Variants in TTBK2 observed in about 807,000 individuals in gnomAD.
TTBK2 encodes tau-tubulin kinase 2.
In TTBK2, 28 loss-of-function variants were observed where a neutral mutation model predicts 110.8. The ratio of observed to expected loss-of-function variants is 0.25; its 90% CI spans 0.19 to 0.35. The LOEUF (loss-of-function observed/expected upper bound fraction) is 0.35, where lower values mean the gene tolerates loss of function less well. Ranked by LOEUF, TTBK2 falls within the 10% of genes least tolerant of loss-of-function variation. TTBK2 has a pLI of 1.00. For synonymous variants in TTBK2, 532 were observed against 527.3 expected, an observed-to-expected ratio of 1.01 and a Z score of -0.12; for missense variants, 1,369 against 1,500.3, an observed-to-expected ratio of 0.91 and a Z score of 1.45.
chr15:42,764,699 A>C (rs1276934932), intron 13 of TTBK2, among the ~76,000 whole-genome samples: 1 of 152,266 alleles, frequency 6.6e-6, no homozygotes, highest in African/African-American at 2.4e-5. Flanking sequence ...AACAAAAGGC[A>C]GCAGAAACTT....
At chr15:42,916,821 T>C (rs1183248540) in intron 1 of TTBK2, among the ~76,000 whole-genome samples, 3 of 152,092 alleles carry the variant, frequency 2.0e-5, no homozygotes, top group Non-Finnish European at 2.9e-5. Context: ...TGCAACTCCA[T>C]TTTTTTAAAG....
intron 4 of TTBK2, among the ~76,000 whole-genome samples, chr15:42,830,590 T>A (rs1401960922): frequency 6.6e-6 from 1 of 152,128 alleles, no homozygotes; most frequent in Non-Finnish European, 1.5e-5. Flanking sequence ...TTTTAGCATA[T>A]CATGTTTCTG....
chr15:42,880,570 A>T (rs1057207443), intron 1 of TTBK2, among the ~76,000 whole-genome samples: 3 of 152,010 alleles, frequency 2.0e-5, no homozygotes, highest in African/African-American at 7.3e-5. Flanking sequence ...TTGTTTGTTT[A>T]TTTTTAATAG....
At chr15:42,836,236 A>G (rs1343685800) in intron 4 of TTBK2, among the ~76,000 whole-genome samples, 1 of 152,198 alleles carries the variant, frequency 6.6e-6, no homozygotes, top group Non-Finnish European at 1.5e-5. Context: ...TCTACAACAG[A>G]GATAAGGTTG....
At chr15:42,853,728 G>A (rs866762297) in intron 3 of TTBK2, among the ~76,000 whole-genome samples, 1 of 151,892 alleles carries the variant, frequency 6.6e-6, no homozygotes, top group African/African-American at 2.4e-5. Flanking sequence ...ACTATGGAGC[G>A]AACACACATA....
intron 1 of TTBK2, among the ~76,000 whole-genome samples, chr15:42,896,116 G>A (rs1373916093): frequency 6.6e-6 from 1 of 151,768 alleles, no homozygotes; most frequent in Non-Finnish European, 1.5e-5. Flanking sequence ...ATAACCTGAG[G>A]TGAGGAGTTC....
At chr15:42,895,692 C>G (rs913192217) in intron 1 of TTBK2, among the ~76,000 whole-genome samples, 7 of 152,010 alleles carry the variant, frequency 4.6e-5, no homozygotes, top group Non-Finnish European at 1.0e-4. Context: ...CGCCTGCCAC[C>G]ACGCCCAGCT....
intron 4 of TTBK2, among the ~76,000 whole-genome samples, chr15:42,833,119 T>C (rs1387651635): frequency 6.6e-6 from 1 of 151,742 alleles, no homozygotes; most frequent in Non-Finnish European, 1.5e-5. Context: ...ACCTGGGTGA[T>C]GTAATATTAC....
chr15:42,817,008 T>C (rs758417122), intron 7 of TTBK2, 24 bp downstream of exon 7: 33 of 1,575,674 alleles, frequency 2.1e-5, no homozygotes, highest in Middle Eastern at 3.4e-4. Context: ...CTTATACAGA[T>C]ATGACTCTAG....
chr15:42,848,191 C>T (rs542146151), intron 3 of TTBK2, among the ~76,000 whole-genome samples: 7 of 152,204 alleles, frequency 4.6e-5, no homozygotes, highest in Non-Finnish European at 1.0e-4. Flanking sequence ...AAAATCTATT[C>T]TCTATGTGAT....
intron 8 of TTBK2, 91 bp from the exon 9 acceptor site, chr15:42,810,830 T>C: frequency 6.9e-7 from 1 of 1,447,006 alleles, no homozygotes; most frequent in Non-Finnish European, 9.6e-7. Context: ...GGGTATGTAC[T>C]AGGGAATGAG....
intron 1 of TTBK2, among the ~76,000 whole-genome samples, chr15:42,888,676 G>A (rs944233947): frequency 6.6e-6 from 1 of 152,034 alleles, no homozygotes; most frequent in African/African-American, 2.4e-5. Flanking sequence ...GCTGTTATGG[G>A]CTGAAAAGTT....
At chr15:42,837,527 C>T (rs1254010838) in intron 4 of TTBK2, among the ~76,000 whole-genome samples, 9 of 151,688 alleles carry the variant, frequency 5.9e-5, no homozygotes, top group African/African-American at 2.2e-4. Context: ...AGTGTGGTGG[C>T]GTGTGCCTGT....
chr15:42,871,519 C>A (rs1172915499), intron 3 of TTBK2: 1 of 985,178 alleles, frequency 1.0e-6, no homozygotes, highest in East Asian at 1.1e-4. Flanking sequence ...TGCTGACATA[C>A]CCTTCATGGG....
chr15:42,854,489 A>G (rs1893852390), intron 3 of TTBK2, among the ~76,000 whole-genome samples: 1 of 152,192 alleles, frequency 6.6e-6, no homozygotes, highest in Non-Finnish European at 1.5e-5. Context: ...TCATTCTGTC[A>G]TAACGTTGGT....
intron 3 of TTBK2, among the ~76,000 whole-genome samples, chr15:42,855,845 C>T (rs959826241): frequency 1.3e-5 from 2 of 152,104 alleles, no homozygotes; most frequent in African/African-American, 2.4e-5. Flanking sequence ...CCACCTCGCC[C>T]GGCTAATTTT....
intron 4 of TTBK2, among the ~76,000 whole-genome samples, chr15:42,832,727 G>T (rs906705106): frequency 6.6e-6 from 1 of 152,108 alleles, no homozygotes; most frequent in Non-Finnish European, 1.5e-5. Flanking sequence ...ATACCATCCT[G>T]CTCCGTCAGG....
At chr15:42,869,903 G>A (rs1020031334) in intron 3 of TTBK2, among the ~76,000 whole-genome samples, 2 of 152,196 alleles carry the variant, frequency 1.3e-5, no homozygotes, top group Non-Finnish European at 2.9e-5. Context: ...TTGGCCAGGT[G>A]TAGTGGCTCA....
rs2140770020 is a variant in TTBK2, at chr15:42,777,172, G to A, written c.1268C>T (p.Pro423Leu). 1 of 1,614,172 alleles carries A rather than the reference G, an allele frequency of 6.2e-7. No individual in the cohort carries two copies. The highest frequency in any genetic ancestry group is 8.5e-7 in the Non-Finnish European group (1 of 1,180,046). The change falls in exon 12 of 15, where the codon CCA becomes CTA. Residue 423 changes from proline (P) to leucine (L), a missense_variant. By Grantham distance (98) the Pro-to-Leu change is moderately conservative (BLOSUM62 -3). This residue lies in a region of TTBK2 where 1,097 missense variants were observed against 1,114.7 expected (regional missense o/e 0.98). Coordinates refer to ENST00000267890, the MANE Select transcript of TTBK2 (RefSeq NM_173500.4). ...AGTAATCTCTGAGCGGACACGAATT[G>A]GTGACCCAAGGCTTGGAGCATTGAG... ...GLLNAPSLGS[P>L]IRVRSEITQP...
Sources: allele counts gnomAD v4.1 joint callset (sites outside exome capture counted in the v4.1 genomes callset), GRCh38; gene constraint gnomAD v4.1.1; regional missense constraint gnomAD v4.1.1; transcripts MANE v1.5; gene names NCBI Gene and HGNC (gene_info 2026-07-23, HGNC 2026-07-21).